CDS1: variants seen among roughly 807,000 people sequenced by gnomAD.
CDS1 encodes the protein phosphatidate cytidylyltransferase 1.
A neutral mutation model predicts 62.1 loss-of-function variants in CDS1; 41 were observed. The ratio of observed to expected loss-of-function variants is 0.66; its 90% CI spans 0.51 to 0.86. The LOEUF (loss-of-function observed/expected upper bound fraction) is 0.86. Among genes scored for constraint, CDS1 ranks in the 40% least tolerant of loss-of-function variants. CDS1 has a pLI of 0.00. For missense variants in CDS1, 470 were observed against 550.1 expected (o/e 0.85, Z 1.46); for synonymous variants, 185 against 192.6 (o/e 0.96, Z 0.32).
At chr4:84,626,578 G>A (rs1399209193) in intron 5 of CDS1, among the ~76,000 whole-genome samples, 7 of 152,076 alleles carry the variant, frequency 4.6e-5, no homozygotes, top group East Asian at 1.9e-4. Context: ...GTATTACCAC[G>A]CCCAGCTCTA....
At chr4:84,626,656 A>G (rs1723870633) in intron 5 of CDS1, among the ~76,000 whole-genome samples, 1 of 152,228 alleles carries the variant, frequency 6.6e-6, no homozygotes, top group Admixed American at 6.5e-5. Context: ...TGTAACTTCC[A>G]GTATAAAACA....
chr4:84,621,359 C>T (rs1419321426), intron 5 of CDS1, among the ~76,000 whole-genome samples: 3 of 152,042 alleles, frequency 2.0e-5, no homozygotes, highest in Admixed American at 2.0e-4. Flanking sequence ...GAAGCATGTC[C>T]AGTCCTGTAG....
At chr4:84,604,126 T>C in intron 1 of CDS1, 117 bp from the exon 2 acceptor site, 1 of 823,070 alleles carries the variant, frequency 1.2e-6, no homozygotes, top group South Asian at 1.9e-5. Context: ...AATAGTAGTT[T>C]CTTTGTTTCA....
intron 5 of CDS1, among the ~76,000 whole-genome samples, chr4:84,622,559 C>T (rs1723721799): frequency 6.6e-6 from 1 of 152,152 alleles, no homozygotes; most frequent in African/African-American, 2.4e-5. Flanking sequence ...TGCCGCTGCA[C>T]TCCAGCCTGG....
intron 3 of CDS1, among the ~76,000 whole-genome samples, chr4:84,615,498 T>C (rs1310921246): frequency 6.6e-6 from 1 of 151,984 alleles, no homozygotes; most frequent in Non-Finnish European, 1.5e-5. Flanking sequence ...AACTCCACCC[T>C]CCTAGTAGTT....
At chr4:84,620,195 T>G (rs1053007735) in intron 5 of CDS1, among the ~76,000 whole-genome samples, 1 of 151,132 alleles carries the variant, frequency 6.6e-6, no homozygotes, top group Admixed American at 6.6e-5. Context: ...CTTTTTCATG[T>G]AGAACTAATC....
intron 7 of CDS1, 137 bp from the exon 8 acceptor site, chr4:84,635,127 T>A (rs187037308): frequency 4.8e-5 from 27 of 561,362 alleles, no homozygotes; most frequent in African/African-American, 4.5e-4. Context: ...TTGGCAAGTG[T>A]TATGTTCTGG....
At position 84,583,427 on chromosome 4, in the gene CDS1, G is replaced by C. The variant is rs752352977; in HGVS notation, c.26G>C (p.Ser9Thr). The change falls in exon 1 of 13, where the codon AGC becomes ACC. Residue 9 changes from serine to threonine, a missense_variant. Physicochemically the swap from Ser to Thr is moderately conservative, Grantham distance 58. This residue lies in a region of CDS1 where 150 missense variants were observed against 142.0 expected (regional missense o/e 1.06). Coordinates refer to ENST00000295887, the MANE Select transcript of CDS1 (RefSeq NM_001263.4). The stretch of plus-strand genomic sequence containing the variant: ...ATGTTGGAGCTGAGGCACCGGGGAA[G>C]CTGCCCCGGCCCCAGGGAAGCGGTG... MLELRHRG[S>T]CPGPREAVSP... is the part of the protein sequence containing the mutation. 6 of 1,598,760 alleles carry C rather than the reference G, an allele frequency of 3.8e-6. No individual in the cohort carries two copies. The highest frequency in any genetic ancestry group is 1.4e-5 in the African/African-American group (1 of 73,758).
At chr4:84,597,009 T>A (rs1722771764) in intron 1 of CDS1, among the ~76,000 whole-genome samples, 1 of 152,176 alleles carries the variant, frequency 6.6e-6, no homozygotes, top group South Asian at 2.1e-4. Context: ...GTTTATACCC[T>A]GTGATGAGGA....
At chr4:84,643,507 G>C (rs1456740579) in intron 11 of CDS1, among the ~76,000 whole-genome samples, 1 of 152,168 alleles carries the variant, frequency 6.6e-6, no homozygotes, top group Non-Finnish European at 1.5e-5. Context: ...ACATGCAGAA[G>C]AACCTTTGGC....
At chr4:84,637,944 C>T (rs763658906) in intron 8 of CDS1, among the ~76,000 whole-genome samples, 12 of 152,140 alleles carry the variant, frequency 7.9e-5, no homozygotes, top group Non-Finnish European at 1.8e-4. Context: ...TCAGATTTGT[C>T]AAGAAACCAT....
Position 84,649,121 on chromosome 4 carries a change from A to C in CDS1, c.*435A>C, listed in dbSNP as rs535325450. The C allele has an allele frequency of 2.0e-5, 3 of 153,554 alleles. No individual in the cohort carries two copies. The highest frequency in any genetic ancestry group is 4.3e-5 in the Non-Finnish European group (3 of 68,978). The allele number at this position is 153,554 out of a possible 1,614,324, so 9.5% of individuals were successfully genotyped here. The stretch of plus-strand genomic sequence containing the variant: ...ATGTTTTATGCAAGGCACAATAGGA[A>C]GTCAGTTCTCCTGCACTTCCTCCTC... On this transcript the variant is annotated 3_prime_UTR_variant, in exon 13 of 13. Coordinates refer to ENST00000295887, the MANE Select transcript of CDS1 (RefSeq NM_001263.4).
intron 4 of CDS1, among the ~76,000 whole-genome samples, chr4:84,619,063 A>G (rs1744235660): frequency 6.6e-6 from 1 of 150,880 alleles, no homozygotes; most frequent in African/African-American, 2.5e-5. Context: ...ACACACACAC[A>G]CACACACACA....
chr4:84,583,786 C>T (rs756247778), intron 1 of CDS1, among the ~76,000 whole-genome samples: 1 of 152,174 alleles, frequency 6.6e-6, no homozygotes, highest in African/African-American at 2.4e-5. Flanking sequence ...GCTTCATCCT[C>T]TTCCGGTCCC....
intron 5 of CDS1, among the ~76,000 whole-genome samples, chr4:84,620,641 A>G (rs192814269): frequency 7.8e-4 from 119 of 152,312 alleles, no homozygotes; most frequent in African/African-American, 2.6e-3. Context: ...GAATTTACAG[A>G]TATCTTTTCT....
At chr4:84,599,959 A>G (rs1399989275) in intron 1 of CDS1, among the ~76,000 whole-genome samples, 1 of 152,050 alleles carries the variant, frequency 6.6e-6, no homozygotes, top group African/African-American at 2.4e-5. Flanking sequence ...AAACTGTGAT[A>G]CTGTTTTCCA....
Position 84,648,797 on chromosome 4 carries a change from T to C in CDS1, c.*111T>C. On this transcript the variant is annotated 3_prime_UTR_variant, in exon 13 of 13. Transcript: ENST00000295887. ...TTAAAAATGCAATAGGTTGAAGTTT[T>C]GGAGATATGTTTCTCTCTGAAATTA... 9.7e-7 allele frequency: 1 copy of C among 1,026,512 alleles called. No homozygotes were observed. The highest frequency in any genetic ancestry group is 1.4e-6 in the Non-Finnish European group (1 of 720,516). 63.6% of individuals were successfully genotyped at this position (1,026,512 alleles called of 1,614,324 possible).
chr4:84,635,129 A>G (rs1724137402), intron 7 of CDS1, 135 bp from the exon 8 acceptor site: 1 of 561,940 alleles, frequency 1.8e-6, no homozygotes, highest in Non-Finnish European at 3.1e-6. Flanking sequence ...GGCAAGTGTT[A>G]TGTTCTGGGT....
chr4:84,590,173 T>C (rs1377033448), intron 1 of CDS1, among the ~76,000 whole-genome samples: 1 of 152,130 alleles, frequency 6.6e-6, no homozygotes, highest in Non-Finnish European at 1.5e-5. Context: ...ATATAACAAT[T>C]TGGGGTTAGT....
Sources: gnomAD v4.1 joint callset for allele counts (sites outside exome capture counted in the v4.1 genomes callset) on GRCh38, gnomAD v4.1.1 for gene constraint, gnomAD v4.1.1 regional missense constraint, MANE v1.5 for transcripts, NCBI Gene and HGNC (gene_info 2026-07-23, HGNC 2026-07-21) for gene names.